NRXN3: variants seen among roughly 807,000 people sequenced by gnomAD.
NRXN3 encodes the protein neurexin III.
In NRXN3, 32 loss-of-function variants were observed where a neutral mutation model predicts 137.6. That is an observed-to-expected ratio of 0.23 (90% CI 0.18 to 0.31). The LOEUF (loss-of-function observed/expected upper bound fraction) is 0.31. NRXN3 is among the 10% of genes least tolerant of loss of function. The pLI, the probability that NRXN3 is intolerant of heterozygous loss-of-function variation, is 1.00. For missense variants in NRXN3, 1,574 were observed against 2,062.5 expected (o/e 0.76, Z 4.59); for synonymous variants, 798 against 784.5 (o/e 1.02, Z -0.29).
At chr14:78,398,939 G>T (rs547827644) in intron 4 of NRXN3, among the ~76,000 whole-genome samples, 7 of 152,030 alleles carry the variant, frequency 4.6e-5, no homozygotes, top group South Asian at 2.1e-4. Context: ...GAGGGTCTAT[G>T]TTCCTCAGTT....
At chr14:78,764,266 G>A (rs1427098652) in intron 8 of NRXN3, among the ~76,000 whole-genome samples, 2 of 152,188 alleles carry the variant, frequency 1.3e-5, no homozygotes, top group South Asian at 2.1e-4. Flanking sequence ...TAAAGTTATC[G>A]GTTGCATGTT....
chr14:78,375,749 G>A (rs1219952554), intron 4 of NRXN3, among the ~76,000 whole-genome samples: 2 of 152,200 alleles, frequency 1.3e-5, no homozygotes, highest in African/African-American at 2.4e-5. Context: ...CAAGTAAGTG[G>A]CATTTTATCT....
chr14:78,887,124 G>T (rs2099146018), intron 10 of NRXN3, among the ~76,000 whole-genome samples: 1 of 152,090 alleles, frequency 6.6e-6, no homozygotes, highest in Admixed American at 6.6e-5. Context: ...TAACAACTGT[G>T]TGCTCGACAC....
At chr14:78,796,036 G>A (rs901477172) in intron 8 of NRXN3, among the ~76,000 whole-genome samples, 8 of 152,178 alleles carry the variant, frequency 5.3e-5, no homozygotes, top group Non-Finnish European at 1.2e-4. Context: ...CCCCAGAAGA[G>A]GCAGGCTACT....
At chr14:79,130,322 G>T (rs1489450726) in intron 15 of NRXN3, among the ~76,000 whole-genome samples, 2 of 151,148 alleles carry the variant, frequency 1.3e-5, no homozygotes, top group African/African-American at 4.9e-5. Context: ...GGTATCAGTT[G>T]TTCCTTTCCA....
chr14:78,198,131 C>G (rs2061385803), intron 1 of NRXN3, among the ~76,000 whole-genome samples: 1 of 152,220 alleles, frequency 6.6e-6, no homozygotes, highest in African/African-American at 2.4e-5. Context: ...GGGAAATGCT[C>G]TGCTGGGATG....
At chr14:78,604,530 T>A (rs2097231106) in intron 4 of NRXN3, among the ~76,000 whole-genome samples, 1 of 152,186 alleles carries the variant, frequency 6.6e-6, no homozygotes, top group East Asian at 1.9e-4. Context: ...GCAAAATCCT[T>A]TTTAACATTT....
chr14:79,194,484 G>T (rs1439913375), intron 15 of NRXN3, among the ~76,000 whole-genome samples: 3 of 152,240 alleles, frequency 2.0e-5, no homozygotes, highest in African/African-American at 7.2e-5. Flanking sequence ...CACATAAGAA[G>T]ATAGCTGGAG....
Position 79,367,204 on chromosome 14 carries a change from C to T in NRXN3, c.3263-100017C>T, listed in dbSNP as rs531973446. ...TTTACTGTGTTAGCCAGGATGGTCT[C>T]GATCTCCTGACCTCGTGATCCACCA... On this transcript the variant is annotated intron_variant, in intron 15 of 20. Coordinates refer to ENST00000335750, the MANE Select transcript of NRXN3 (RefSeq NM_001330195.2). 3.3e-5 allele frequency among the ~76,000 whole-genome samples: 5 copies of T among 152,118 alleles called. No homozygotes were observed. In the South Asian group the frequency reaches 6.2e-4, roughly 19 times the overall value.
intron 10 of NRXN3, among the ~76,000 whole-genome samples, chr14:78,886,169 G>A (rs908532540): frequency 3.3e-5 from 5 of 152,130 alleles, no homozygotes; most frequent in Non-Finnish European, 5.9e-5. Context: ...TGGAAAAGGA[G>A]CACAAATATT....
intron 15 of NRXN3, among the ~76,000 whole-genome samples, chr14:79,362,319 G>T (rs1020636961): frequency 4.0e-5 from 6 of 150,788 alleles, no homozygotes; most frequent in African/African-American, 1.5e-4. Context: ...CCCACCACAG[G>T]CCCCAGTGTA....
intron 4 of NRXN3, among the ~76,000 whole-genome samples, chr14:78,434,289 G>A (rs2093988462): frequency 1.3e-5 from 2 of 152,130 alleles, no homozygotes; most frequent in African/African-American, 4.8e-5. Context: ...TTCCTTCTGA[G>A]GGTTGTGAGG....
In NRXN3 at chr14:79,052,619, G is replaced by A. The variant is rs73320808; in HGVS notation, c.3262+64478G>A. Among the ~76,000 whole-genome samples, 1,239 of 152,304 alleles carry A rather than the reference G, an allele frequency of 8.1e-3. 13 individuals carry two copies. Among genetic ancestry groups the A allele is most frequent in the African/African-American group, 0.028 (1,161 of 41,566 alleles). On this transcript the variant is annotated intron_variant, in intron 15 of 20. Coordinates refer to ENST00000335750, the MANE Select transcript of NRXN3 (RefSeq NM_001330195.2). ...GGGAGCTTTCTCACTGCCAAATGGC[G>A]TGGGGCTTTCCTAGCTTTAAGATGA...
chr14:79,355,250 T>TCCC (rs1566892730), intron 15 of NRXN3, among the ~76,000 whole-genome samples: 3 of 148,560 alleles, frequency 2.0e-5, no homozygotes, highest in African/African-American at 7.8e-5. Flanking sequence ...GGCTTTTCTG[T>TCCC]CCCCCACCCC....
At chr14:78,510,204 AT>A (rs528109535) in intron 4 of NRXN3, among the ~76,000 whole-genome samples, 46 of 151,874 alleles carry the variant, frequency 3.0e-4, no homozygotes, top group African/African-American at 9.2e-4. Context: ...AATAACAGTA[AT>A]TTTTTTATCA....
intron 20 of NRXN3, among the ~76,000 whole-genome samples, chr14:79,813,405 G>A (rs903178671): frequency 9.9e-5 from 15 of 151,920 alleles, no homozygotes; most frequent in Admixed American, 7.2e-4. Context: ...ACCTCATCTT[G>A]TGCCGCATGA....
chr14:79,699,366 G>A (rs565562934), intron 19 of NRXN3, among the ~76,000 whole-genome samples: 39 of 152,172 alleles, frequency 2.6e-4, no homozygotes, highest in African/African-American at 9.4e-4. Context: ...GGTCTTGGCA[G>A]ACTTGTTTTG....
At chr14:79,516,221 C>T (rs1047980787) in intron 16 of NRXN3, among the ~76,000 whole-genome samples, 3 of 152,194 alleles carry the variant, frequency 2.0e-5, no homozygotes, top group African/African-American at 7.2e-5. Flanking sequence ...CCCTAAACAG[C>T]GCAAAGGCAA....
intron 6 of NRXN3, among the ~76,000 whole-genome samples, chr14:78,700,964 G>T (rs942186338): frequency 6.6e-6 from 1 of 152,044 alleles, no homozygotes. Context: ...TAGGGACGGG[G>T]TTTCACCATC....
Sources: gnomAD v4.1 joint callset for allele counts (sites outside exome capture counted in the v4.1 genomes callset) on GRCh38, gnomAD v4.1.1 for gene constraint, MANE v1.5 for transcripts, NCBI Gene and HGNC (gene_info 2026-07-23, HGNC 2026-07-21) for gene names.